JAKMIP3: variants seen among roughly 807,000 people sequenced by gnomAD.
JAKMIP3 encodes janus kinase and microtubule-interacting protein 3.
JAKMIP3 carries 58 observed loss-of-function variants against 118.5 expected under a neutral mutation model. The ratio of observed to expected loss-of-function variants is 0.49; its 90% CI spans 0.40 to 0.61. JAKMIP3 has a LOEUF of 0.61. Ranked by LOEUF, JAKMIP3 falls within the 20% of genes least tolerant of loss-of-function variation. The pLI is 0.00. For missense variants in JAKMIP3, 950 were observed against 1,109.0 expected (o/e 0.86, Z 2.04); for synonymous variants, 486 against 451.2 (o/e 1.08, Z -0.98).
intron 9 of JAKMIP3, among the ~76,000 whole-genome samples, chr10:132,139,307 AGT>A (rs780192513): frequency 8.9e-5 from 4 of 44,856 alleles, no homozygotes; most frequent in African/African-American, 2.7e-4. Context: ...TATGTGTGTG[AGT>A]GTGTATGTGT....
intron 13 of JAKMIP3, among the ~76,000 whole-genome samples, chr10:132,146,258 G>T (rs1387932166): frequency 6.6e-6 from 1 of 151,968 alleles, no homozygotes; most frequent in Non-Finnish European, 1.5e-5. Flanking sequence ...TCTGCCTGAG[G>T]TGCAGGGAAG....
intron 20 of JAKMIP3, among the ~76,000 whole-genome samples, chr10:132,163,853 G>C (rs2058632261): frequency 6.6e-6 from 1 of 152,256 alleles, no homozygotes; most frequent in Admixed American, 6.5e-5. Context: ...CTGATGGCAA[G>C]GATGTTCTCT....
chr10:132,104,977 C>G (rs781375095), intron 2 of JAKMIP3, 34 bp downstream of exon 2: 2 of 1,564,612 alleles, frequency 1.3e-6, no homozygotes, highest in Non-Finnish European at 8.7e-7. Context: ...CCTTGAATGT[C>G]CCTCCCTCCT....
chr10:132,119,186 G>A (rs577480764), intron 3 of JAKMIP3, among the ~76,000 whole-genome samples: 5 of 141,622 alleles, frequency 3.5e-5, no homozygotes, highest in South Asian at 2.3e-4. Context: ...TCTCCCCTCC[G>A]TACAGGCTTT....
At chr10:132,103,731 T>G (rs908334365) in intron 1 of JAKMIP3, among the ~76,000 whole-genome samples, 3 of 152,018 alleles carry the variant, frequency 2.0e-5, no homozygotes, top group African/African-American at 7.3e-5. Flanking sequence ...GTCCGTGGCC[T>G]GTTAGAAGCT....
intron 1 of JAKMIP3, among the ~76,000 whole-genome samples, chr10:132,082,250 G>T (rs1249366361): frequency 6.6e-6 from 1 of 151,310 alleles, no homozygotes; most frequent in African/African-American, 2.4e-5. Context: ...ATTTCCATAG[G>T]TTATTGGGGA....
intron 9 of JAKMIP3, 96 bp downstream of exon 9, chr10:132,138,274 A>G (rs2052314457): frequency 8.8e-7 from 1 of 1,140,206 alleles, no homozygotes; most frequent in Non-Finnish European, 1.3e-6. Context: ...GTGTGCGGAG[A>G]GGGGTGCGCC....
intron 14 of JAKMIP3, 36 bp downstream of exon 14, chr10:132,148,086 C>A: frequency 7.3e-7 from 1 of 1,372,668 alleles, no homozygotes; most frequent in Non-Finnish European, 1.0e-6. Context: ...TGGCCTGTGG[C>A]TGTGTCAGGG....
At chr10:132,041,022 G>A (rs539574955) in intron 1 of JAKMIP3, among the ~76,000 whole-genome samples, 6 of 152,240 alleles carry the variant, frequency 3.9e-5, no homozygotes, top group South Asian at 2.1e-4. Context: ...CCTGTGTCTC[G>A]CGGCTGAGCG....
chr10:132,135,488 C>T (rs1385457894), intron 5 of JAKMIP3, among the ~76,000 whole-genome samples: 3 of 152,220 alleles, frequency 2.0e-5, no homozygotes, highest in Non-Finnish European at 4.4e-5. Flanking sequence ...ACTGAGATTT[C>T]CAGGTAACTC....
chr10:132,101,003 C>G (rs776972610), intron 1 of JAKMIP3, among the ~76,000 whole-genome samples: 4 of 152,166 alleles, frequency 2.6e-5, no homozygotes, highest in Non-Finnish European at 5.9e-5. Context: ...GTTACCGTAT[C>G]AGTTCCCAGA....
intron 19 of JAKMIP3, among the ~76,000 whole-genome samples, chr10:132,159,606 A>G (rs752298992): frequency 0.016 from 567 of 36,010 alleles, 6 homozygotes; most frequent in African/African-American, 0.044. Context: ...ATGTCTTCCT[A>G]TGTGATGCTG....
rs1374693953 is a variant in JAKMIP3 at position 132,118,419 on chromosome 10, T to G, written c.633+845T>G. Among the ~76,000 whole-genome samples, 1 of 152,212 alleles carries G rather than the reference T, an allele frequency of 6.6e-6. No individual in the cohort carries two copies. The highest frequency in any genetic ancestry group is 1.5e-5 in the Non-Finnish European group (1 of 68,028). On this transcript the variant is annotated intron_variant, in intron 3 of 23. Coordinates refer to ENST00000684848, the MANE Select transcript of JAKMIP3 (RefSeq NM_001323087.2). The surrounding 1 kb of genome is among the most constrained non-coding windows in gnomAD (Gnocchi z 4.8). ...GTCTTAGAGGTGCGTGCCCCAGCCC[T>G]GTGCCTCTTCAGGACCCGGAGCCCC... is the stretch of plus-strand genomic sequence containing the variant.
At chr10:132,093,535 G>A (rs1015805242) in intron 1 of JAKMIP3, among the ~76,000 whole-genome samples, 1 of 152,228 alleles carries the variant, frequency 6.6e-6, no homozygotes, top group African/African-American at 2.4e-5. Flanking sequence ...GACCCTCTGA[G>A]CCAGGCACGG....
chr10:132,088,594 A>C (rs2042703941), intron 1 of JAKMIP3, among the ~76,000 whole-genome samples: 1 of 152,158 alleles, frequency 6.6e-6, no homozygotes, highest in Admixed American at 6.5e-5. Flanking sequence ...TTCTTTGTAG[A>C]TTCTGAATAT....
intron 11 of JAKMIP3, 104 bp from the exon 12 acceptor site, chr10:132,145,003 T>C: frequency 3.5e-6 from 3 of 865,774 alleles, no homozygotes; most frequent in South Asian, 3.2e-5. Flanking sequence ...CACTTCTCAA[T>C]GAACTGAACC....
Position 132,153,781 on chromosome 10 carries a change from C to T in JAKMIP3, c.2096C>T (p.Thr699Ile), listed in dbSNP as rs1197918549. ...CAGTGGCTCCAGCAGATTGAGGAGA[C>T]AGAGGCGGCGCTGCAGCGGAAGATG... Reference protein sequence around the residue: ...AEKWLQQIEETEAALQRKMVD... With the variant: ...AEKWLQQIEEIEAALQRKMVD... The change falls in exon 18 of 24, where the codon ACA becomes ATA. Residue 699 changes from threonine (T) to isoleucine (I), a missense_variant. Coordinates refer to ENST00000684848, the MANE Select transcript of JAKMIP3 (RefSeq NM_001323087.2). The T allele has an allele frequency of 1.2e-6, 2 of 1,612,940 alleles. No homozygotes were observed. The highest frequency in any genetic ancestry group is 1.7e-6 in the Non-Finnish European group (2 of 1,179,850).
intron 1 of JAKMIP3, among the ~76,000 whole-genome samples, chr10:132,103,443 AGAGGAGCAGCTGGGG>A (rs2045375712): frequency 3.7e-5 from 1 of 26,786 alleles, no homozygotes; most frequent in Non-Finnish European, 5.9e-5. Flanking sequence ...CACCTGGGGG[AGAGGAGCAGCTGGGG>A]GGGGGAGGAG....
intron 1 of JAKMIP3, among the ~76,000 whole-genome samples, chr10:132,056,353 T>G (rs970447120): frequency 6.6e-6 from 1 of 152,200 alleles, no homozygotes. Context: ...TCGCAAGCTG[T>G]GAGCATGTCC....
Sources: allele counts gnomAD v4.1 joint callset (sites outside exome capture counted in the v4.1 genomes callset), GRCh38; gene constraint gnomAD v4.1.1; non-coding constraint Gnocchi (gnomAD v3.1); transcripts MANE v1.5; gene names NCBI Gene and HGNC (gene_info 2026-07-23, HGNC 2026-07-21).